ZNRF3: variants seen among roughly 807,000 people sequenced by gnomAD.
ZNRF3 encodes the protein E3 ubiquitin-protein ligase ZNRF3.
ZNRF3 carries 23 observed loss-of-function variants against 72.5 expected under a neutral mutation model. The observed-to-expected ratio is 0.32, with a 90% confidence interval of 0.23 to 0.45. The LOEUF is 0.45. ZNRF3 is among the 20% of genes least tolerant of loss of function. The pLI is 1.00. For synonymous variants in ZNRF3, 610 were observed against 545.3 expected (o/e 1.12, Z -1.65); for missense variants, 1,169 against 1,272.1 (o/e 0.92, Z 1.23).
chr22:28,935,836 C>T (rs550338347), intron 1 of ZNRF3, among the ~76,000 whole-genome samples: 1 of 152,142 alleles, frequency 6.6e-6, no homozygotes, highest in East Asian at 1.9e-4. Context: ...GCTCCCCTAC[C>T]CGAATTCCCG....
intron 1 of ZNRF3, among the ~76,000 whole-genome samples, chr22:28,963,949 AAAAG>A (rs1276811536): frequency 6.6e-6 from 1 of 152,168 alleles, no homozygotes; most frequent in Non-Finnish European, 1.5e-5. Flanking sequence ...GGTTAAAAAG[AAAAG>A]AAAGAAGAAG....
intron 2 of ZNRF3, among the ~76,000 whole-genome samples, chr22:29,027,392 G>A (rs1446308836): frequency 2.0e-5 from 3 of 152,106 alleles, no homozygotes; most frequent in East Asian, 3.8e-4. Context: ...GGGATTACAG[G>A]TGCCTGCCAC....
intron 1 of ZNRF3, among the ~76,000 whole-genome samples, chr22:28,951,338 G>T (rs941540851): frequency 5.9e-5 from 9 of 152,060 alleles, no homozygotes; most frequent in African/African-American, 2.4e-5. Flanking sequence ...AGGTCGTCAG[G>T]GTGGGCCCTA....
chr22:29,027,843 C>T (rs1400666543), intron 2 of ZNRF3, among the ~76,000 whole-genome samples: 1 of 152,154 alleles, frequency 6.6e-6, no homozygotes, highest in Non-Finnish European at 1.5e-5. Context: ...TGAGATACCC[C>T]CTTTTCTTCC....
At chr22:28,968,114 G>T (rs1449261698) in intron 1 of ZNRF3, among the ~76,000 whole-genome samples, 1 of 152,028 alleles carries the variant, frequency 6.6e-6, no homozygotes, top group African/African-American at 2.4e-5. Flanking sequence ...TGTGTTAGAG[G>T]CTTAGGTCTG....
chr22:28,886,247 T>C (rs560281527), intron 1 of ZNRF3, among the ~76,000 whole-genome samples: 33 of 152,362 alleles, frequency 2.2e-4, no homozygotes, highest in Middle Eastern at 3.4e-3. Context: ...GGAATTGGTG[T>C]GGACCTTGTC....
At chr22:29,004,944 ATTTTCCT>A (rs2036215325) in intron 2 of ZNRF3, among the ~76,000 whole-genome samples, 1 of 152,166 alleles carries the variant, frequency 6.6e-6, no homozygotes, top group Non-Finnish European at 1.5e-5. Flanking sequence ...CATTGGCCGG[ATTTTCCT>A]ACCAGGGAGC....
intron 2 of ZNRF3, among the ~76,000 whole-genome samples, chr22:29,027,226 T>C (rs2036653085): frequency 6.6e-6 from 1 of 151,764 alleles, no homozygotes; most frequent in Non-Finnish European, 1.5e-5. Flanking sequence ...TCTACCCCTC[T>C]ATTTTTTATT....
Position 29,050,770 on chromosome 22 carries a change from C to T in ZNRF3, c.2589C>T (p.Thr863=). 6.2e-7 allele frequency: 1 copy of T among 1,606,820 alleles called. No individual in the cohort carries two copies. Among genetic ancestry groups the T allele is most frequent in the Non-Finnish European group, 8.5e-7 (1 of 1,176,972 alleles). Reference sequence around the variant, plus strand: ...GGGGTGGGACGCGAGGCCCGGATACCCCACGGCCCCACAGGGGCCTGGGAG... The same window carrying T: ...GGGGTGGGACGCGAGGCCCGGATACTCCACGGCCCCACAGGGGCCTGGGAG... ...GSWGGTRGPD[T]PRPHRGLGAT... The change falls in exon 8 of 9, where the codon ACC becomes ACT. Residue 863 remains threonine (T), a synonymous_variant. Transcript: ENST00000544604.
intron 1 of ZNRF3, among the ~76,000 whole-genome samples, chr22:28,935,736 C>T (rs2034807389): frequency 6.6e-6 from 1 of 152,206 alleles, no homozygotes; most frequent in Admixed American, 6.5e-5. Context: ...AATTCTTTCA[C>T]TGTGGTTTAT....
At chr22:29,025,997 CT>C (rs2036629492) in intron 2 of ZNRF3, 1 of 152,236 alleles carries the variant, frequency 6.6e-6, no homozygotes, top group Admixed American at 6.5e-5. Flanking sequence ...CTAGCATTAG[CT>C]GTCGGGCTGA....
chr22:28,967,676 C>T (rs376954906), intron 1 of ZNRF3, among the ~76,000 whole-genome samples: 27 of 151,940 alleles, frequency 1.8e-4, no homozygotes, highest in African/African-American at 6.0e-4. Context: ...CTTGTAATCC[C>T]AGCACTTTGG....
chr22:28,963,972 G>T (rs1177071836), intron 1 of ZNRF3, among the ~76,000 whole-genome samples: 1 of 152,138 alleles, frequency 6.6e-6, no homozygotes, highest in Non-Finnish European at 1.5e-5. Flanking sequence ...AGATCCTGTG[G>T]ACTTTTTGCA....
rs147384155 is a variant in ZNRF3 at position 28,892,519 on chromosome 22, A to G, written c.300+8453A>G. On this transcript the variant is annotated intron_variant, in intron 1 of 8. Coordinates refer to ENST00000544604, the MANE Select transcript of ZNRF3 (RefSeq NM_001206998.2). Reference sequence around the variant, plus strand: ...AAGAGAGGTGCCTTTATACCTTTCTAACGGAATAGGAAGGAGGTAGAGAGT... The same window carrying G: ...AAGAGAGGTGCCTTTATACCTTTCTGACGGAATAGGAAGGAGGTAGAGAGT... 8.9e-3 allele frequency among the ~76,000 whole-genome samples: 1,359 copies of G among 152,276 alleles called. 20 individuals carry two copies. The highest frequency in any genetic ancestry group is 0.028 in the African/African-American group (1,175 of 41,558).
intron 1 of ZNRF3, among the ~76,000 whole-genome samples, chr22:28,960,635 C>CT (rs1388336672): frequency 6.6e-6 from 1 of 152,206 alleles, no homozygotes; most frequent in Non-Finnish European, 1.5e-5. Flanking sequence ...AGTTGGGCAG[C>CT]TGGTTGGAAG....
chr22:28,950,200 G>A (rs1390432732), intron 1 of ZNRF3, among the ~76,000 whole-genome samples: 1 of 152,154 alleles, frequency 6.6e-6, no homozygotes, highest in Non-Finnish European at 1.5e-5. Flanking sequence ...TAATGTCTTT[G>A]TGTTATTACA....
intron 1 of ZNRF3, among the ~76,000 whole-genome samples, chr22:28,885,889 T>C (rs1374660600): frequency 1.3e-5 from 2 of 151,836 alleles, no homozygotes; most frequent in African/African-American, 4.8e-5. Context: ...TGAAACTTTT[T>C]GAAGTGCTTA....
intron 3 of ZNRF3, among the ~76,000 whole-genome samples, chr22:29,042,933 C>T (rs959732828): frequency 1.3e-5 from 2 of 152,132 alleles, no homozygotes; most frequent in African/African-American, 2.4e-5. Context: ...AGCCACCACG[C>T]CTGGCTAATT....
At chr22:28,976,876 A>T (rs1217890991) in intron 1 of ZNRF3, among the ~76,000 whole-genome samples, 2 of 152,204 alleles carry the variant, frequency 1.3e-5, no homozygotes, top group African/African-American at 4.8e-5. Context: ...GAGGCATCTT[A>T]TCTATTTGAA....
Sources: gnomAD v4.1 joint callset for allele counts (sites outside exome capture counted in the v4.1 genomes callset) on GRCh38, gnomAD v4.1.1 for gene constraint, MANE v1.5 for transcripts, NCBI Gene and HGNC (gene_info 2026-07-23, HGNC 2026-07-21) for gene names.